The following EBF1 variants were observed in gnomAD, a reference collection of about 807,000 sequenced individuals.
EBF1 encodes the protein EBF transcription factor 1.
In EBF1, 10 loss-of-function variants were observed where a neutral mutation model predicts 68.4. The ratio of observed to expected loss-of-function variants is 0.15; its 90% CI spans 0.09 to 0.25. The LOEUF (loss-of-function observed/expected upper bound fraction) is 0.25, where lower values mean the gene tolerates loss of function less well. Ranked by LOEUF, EBF1 falls within the 10% of genes least tolerant of loss-of-function variation. The pLI, the probability that EBF1 is intolerant of heterozygous loss-of-function variation, is 1.00. For missense variants in EBF1, 509 were observed against 794.4 expected, an observed-to-expected ratio of 0.64 and a Z score of 4.32; for synonymous variants, 298 against 299.8, an observed-to-expected ratio of 0.99 and a Z score of 0.06.
At chr5:158,856,981 A>AAAAAC (rs140503962) in intron 6 of EBF1, among the ~76,000 whole-genome samples, 32 of 152,034 alleles carry the variant, frequency 2.1e-4, no homozygotes, top group Middle Eastern at 3.4e-3. Flanking sequence ...AAAAGCGAGA[A>AAAAAC]AAAACAAAAC....
intron 10 of EBF1, among the ~76,000 whole-genome samples, chr5:158,757,428 G>A (rs1042541364): frequency 3.9e-5 from 6 of 152,144 alleles, no homozygotes; most frequent in African/African-American, 1.4e-4. Context: ...AATCAGACTT[G>A]TTAGACTATA....
intron 2 of EBF1, 35 bp downstream of exon 2, chr5:159,096,939 C>A: frequency 6.2e-7 from 1 of 1,608,514 alleles, no homozygotes. Flanking sequence ...CGAGCCGAGC[C>A]GGGGACGAGG....
chr5:159,004,614 G>C (rs986085243), intron 6 of EBF1, among the ~76,000 whole-genome samples: 1 of 152,102 alleles, frequency 6.6e-6, no homozygotes, highest in Admixed American at 6.5e-5. Flanking sequence ...GGTAGTTATT[G>C]CTGCCATATT....
At chr5:158,954,404 C>G (rs1816647608) in intron 6 of EBF1, among the ~76,000 whole-genome samples, 1 of 152,212 alleles carries the variant, frequency 6.6e-6, no homozygotes, top group South Asian at 2.1e-4. Context: ...TCCAGACAAA[C>G]TGAATTAAAT....
At chr5:158,730,554 G>A (rs981587419) in intron 11 of EBF1, among the ~76,000 whole-genome samples, 2 of 152,168 alleles carry the variant, frequency 1.3e-5, no homozygotes, top group East Asian at 1.9e-4. Context: ...GAGAAGAGAG[G>A]TTGTCTTTGC....
chr5:158,890,025 A>T (rs1026290863), intron 6 of EBF1, among the ~76,000 whole-genome samples: 1 of 152,226 alleles, frequency 6.6e-6, no homozygotes, highest in Non-Finnish European at 1.5e-5. Flanking sequence ...GGATTTGAGC[A>T]TCTGCAGATT....
chr5:158,940,006 A>T (rs1024899365), intron 6 of EBF1, among the ~76,000 whole-genome samples: 7 of 152,320 alleles, frequency 4.6e-5, no homozygotes, highest in African/African-American at 1.4e-4. Context: ...GGCTTCACCC[A>T]GGGGCTTTCC....
intron 7 of EBF1, among the ~76,000 whole-genome samples, chr5:158,835,903 C>T (rs1431457141): frequency 6.6e-6 from 1 of 152,156 alleles, no homozygotes; most frequent in East Asian, 1.9e-4. Context: ...CACAATGTCT[C>T]TCACTAAAGA....
At chr5:158,777,979 C>A (rs1008191523) in intron 9 of EBF1, among the ~76,000 whole-genome samples, 2 of 152,136 alleles carry the variant, frequency 1.3e-5, no homozygotes, top group Non-Finnish European at 2.9e-5. Flanking sequence ...TGATTAGCTG[C>A]GGAGTGCACG....
chr5:158,746,613 G>A (rs796487677), intron 10 of EBF1, among the ~76,000 whole-genome samples: 13 of 152,104 alleles, frequency 8.5e-5, no homozygotes, highest in African/African-American at 2.9e-4. Context: ...TCTCTATATT[G>A]ATGGGTGGAA....
chr5:158,971,298 C>G (rs1466607943), intron 6 of EBF1, among the ~76,000 whole-genome samples: 2 of 152,172 alleles, frequency 1.3e-5, no homozygotes, highest in Non-Finnish European at 2.9e-5. Flanking sequence ...CGGAAAATAG[C>G]CTGTCCAGGG....
chr5:158,784,907 A>C (rs1199711267), intron 9 of EBF1, among the ~76,000 whole-genome samples: 1 of 152,172 alleles, frequency 6.6e-6, no homozygotes, highest in Non-Finnish European at 1.5e-5. Flanking sequence ...GCCTCAGTTT[A>C]CTAATCTTAT....
intron 6 of EBF1, among the ~76,000 whole-genome samples, chr5:159,019,431 T>C (rs902411500): frequency 2.6e-5 from 4 of 152,140 alleles, no homozygotes; most frequent in Admixed American, 2.6e-4. Context: ...CAAATATAAA[T>C]GAAAAATAAG....
Position 158,935,909 on chromosome 5 carries a change from T to C in EBF1, c.555-95799A>G, listed in dbSNP as rs368005527. On this transcript the variant is annotated intron_variant, in intron 6 of 15. Transcript: ENST00000313708. Reference sequence around the variant, plus strand: ...AAGTAGATGATTCATATTTCATTTTTATTCAGCTATCTTTGCACTGGGTGG... The same window carrying C: ...AAGTAGATGATTCATATTTCATTTTCATTCAGCTATCTTTGCACTGGGTGG... Among the ~76,000 whole-genome samples, 9 of 152,364 alleles carry C rather than the reference T, an allele frequency of 5.9e-5. No homozygotes were observed. In the South Asian group the frequency reaches 6.2e-4, roughly 11 times the overall value.
At chr5:158,735,086 G>A (rs747624442) in intron 10 of EBF1, among the ~76,000 whole-genome samples, 4 of 152,100 alleles carry the variant, frequency 2.6e-5, no homozygotes, top group Non-Finnish European at 5.9e-5. Flanking sequence ...TCAAGAAGAG[G>A]GGGTGGCATT....
At chr5:159,054,185 T>C (rs553680063) in intron 6 of EBF1, among the ~76,000 whole-genome samples, 31 of 152,356 alleles carry the variant, frequency 2.0e-4, no homozygotes, top group Non-Finnish European at 4.0e-4. Flanking sequence ...AGCTCTGTAG[T>C]TGGTTTGTCT....
intron 6 of EBF1, among the ~76,000 whole-genome samples, chr5:158,954,417 C>T (rs1190126971): frequency 6.6e-6 from 1 of 152,226 alleles, no homozygotes; most frequent in Non-Finnish European, 1.5e-5. Flanking sequence ...AATTAAATTG[C>T]AACCAGTTTA....
At chr5:158,817,211 C>G (rs964841336) in intron 8 of EBF1, among the ~76,000 whole-genome samples, 1 of 151,936 alleles carries the variant, frequency 6.6e-6, no homozygotes, top group African/African-American at 2.4e-5. Flanking sequence ...CTAAGCAAAA[C>G]AACCCTTGCA....
chr5:158,840,670 T>TG (rs2127966010), intron 6 of EBF1, among the ~76,000 whole-genome samples: 1 of 76,560 alleles, frequency 1.3e-5, no homozygotes, highest in Non-Finnish European at 2.8e-5. Context: ...TTTTTTTTTT[T>TG]TTGTTTTTTT....
Sources: allele counts gnomAD v4.1 joint callset (sites outside exome capture counted in the v4.1 genomes callset), GRCh38; gene constraint gnomAD v4.1.1; transcripts MANE v1.5; gene names NCBI Gene and HGNC (gene_info 2026-07-23, HGNC 2026-07-21).